The following GMDS variants were observed in gnomAD, a reference collection of about 807,000 sequenced individuals.
GMDS encodes the protein GDP-mannose 4,6 dehydratase.
Under a neutral mutation model 49.9 loss-of-function variants are expected in GMDS, and 20 were observed. That is an observed-to-expected ratio of 0.40 (90% CI 0.28 to 0.58). The LOEUF is 0.58. Ranked by LOEUF, GMDS falls within the 20% of genes least tolerant of loss-of-function variation. The pLI is 0.42. For missense variants in GMDS, 362 were observed against 481.4 expected (o/e 0.75, Z 2.32); for synonymous variants, 177 against 178.6 (o/e 0.99, Z 0.07).
intron 7 of GMDS, among the ~76,000 whole-genome samples, chr6:1,820,747 T>C (rs961548509): frequency 6.6e-6 from 1 of 152,248 alleles, no homozygotes; most frequent in Admixed American, 6.5e-5. Flanking sequence ...AAAATTCTAA[T>C]AAGCACTATA....
chr6:2,090,499 C>G (rs1175069435), intron 4 of GMDS, among the ~76,000 whole-genome samples: 1 of 152,170 alleles, frequency 6.6e-6, no homozygotes, highest in Non-Finnish European at 1.5e-5. Context: ...CAACAAATCT[C>G]TTACATTTTC....
intron 1 of GMDS, among the ~76,000 whole-genome samples, chr6:2,180,534 A>C (rs947358199): frequency 2.0e-5 from 3 of 152,180 alleles, no homozygotes; most frequent in Non-Finnish European, 4.4e-5. Flanking sequence ...CCTCTCACTG[A>C]CTTAAGAAGA....
At chr6:1,822,600 C>G (rs916451829) in intron 7 of GMDS, among the ~76,000 whole-genome samples, 6 of 151,994 alleles carry the variant, frequency 3.9e-5, no homozygotes, top group African/African-American at 1.5e-4. Context: ...AGTTAATATT[C>G]CAATAGATGA....
chr6:1,683,937 C>T (rs1764882570), intron 9 of GMDS, among the ~76,000 whole-genome samples: 1 of 150,212 alleles, frequency 6.7e-6, no homozygotes, highest in African/African-American at 2.4e-5. Context: ...GATCCGCCCT[C>T]TATCAGCTAT....
At chr6:1,956,644 A>G (rs555928992) in intron 6 of GMDS, among the ~76,000 whole-genome samples, 1 of 152,154 alleles carries the variant, frequency 6.6e-6, no homozygotes, top group Non-Finnish European at 1.5e-5. Flanking sequence ...TGTTCCCTGT[A>G]ATAACAGGGA....
At chr6:1,728,005 T>A (rs1375434798) in intron 8 of GMDS, among the ~76,000 whole-genome samples, 1 of 152,222 alleles carries the variant, frequency 6.6e-6, no homozygotes, top group Non-Finnish European at 1.5e-5. Flanking sequence ...GCAGGTCATA[T>A]AGGTCTAAGA....
At chr6:1,683,509 T>C (rs1208789639) in intron 9 of GMDS, among the ~76,000 whole-genome samples, 3 of 152,142 alleles carry the variant, frequency 2.0e-5, no homozygotes, top group African/African-American at 7.2e-5. Flanking sequence ...GAAACTCTGG[T>C]GGGAAACATG....
chr6:2,154,223 T>C (rs1198011200), intron 1 of GMDS, among the ~76,000 whole-genome samples: 1 of 152,178 alleles, frequency 6.6e-6, no homozygotes, highest in Non-Finnish European at 1.5e-5. Context: ...AACCATGAAG[T>C]ATATTTAGTC....
intron 9 of GMDS, 54 bp from the exon 10 acceptor site, chr6:1,624,594 G>T: frequency 7.8e-7 from 1 of 1,280,964 alleles, no homozygotes; most frequent in Non-Finnish European, 1.1e-6. Flanking sequence ...GGTGGGGGCA[G>T]CAGGTCCCGA....
chr6:2,216,792 T>C (rs1399311316), intron 1 of GMDS, among the ~76,000 whole-genome samples: 1 of 152,190 alleles, frequency 6.6e-6, no homozygotes, highest in African/African-American at 2.4e-5. Flanking sequence ...TTACACTGCA[T>C]TTACGTGCTC....
At chr6:1,960,715 A>AC in intron 5 of GMDS, 59 bp downstream of exon 5, 7 of 1,115,890 alleles carry the variant, frequency 6.3e-6, no homozygotes, top group Non-Finnish European at 7.6e-6. Context: ...AAAAACACAC[A>AC]CCCCCCACAC....
At chr6:2,211,687 AG>A (rs1485866451) in intron 1 of GMDS, among the ~76,000 whole-genome samples, 1 of 152,200 alleles carries the variant, frequency 6.6e-6, no homozygotes, top group African/African-American at 2.4e-5. Context: ...AGAACACGTA[AG>A]GCAGGAAAAA....
intron 7 of GMDS, among the ~76,000 whole-genome samples, chr6:1,901,315 T>C (rs77936549): frequency 0.015 from 2,270 of 152,330 alleles, 29 homozygotes; most frequent in Middle Eastern, 0.027. Context: ...CAGCCTTTTC[T>C]GAATTTTAAC....
chr6:2,236,094 T>G (rs1219904075), intron 1 of GMDS, among the ~76,000 whole-genome samples: 1 of 152,266 alleles, frequency 6.6e-6, no homozygotes, highest in East Asian at 1.9e-4. Context: ...AAAAATAATG[T>G]CTCCCTCAAA....
intron 7 of GMDS, among the ~76,000 whole-genome samples, chr6:1,790,328 A>G (rs1342529448): frequency 6.6e-6 from 1 of 152,230 alleles, no homozygotes; most frequent in Non-Finnish European, 1.5e-5. Flanking sequence ...CAAAGTCTCC[A>G]TGGGAGTTAG....
chr6:1,939,812 A>C (rs17134506), intron 6 of GMDS, among the ~76,000 whole-genome samples: 2 of 152,190 alleles, frequency 1.3e-5, no homozygotes, highest in Admixed American at 6.5e-5. Flanking sequence ...ATTTGATTGC[A>C]TATTAGGTCA....
rs1417718332 is a variant in GMDS, at chr6:1,675,006, C to T, written c.988-50466G>A. On this transcript the variant is annotated intron_variant, in intron 9 of 10. Transcript: ENST00000380815. ...AGGCTGGAGTGCAATGATGCGATCT[C>T]GGCTCACTGCAACCTCCACCTCCCA... 1.4e-4 allele frequency among the ~76,000 whole-genome samples: 21 copies of T among 152,108 alleles called. No individual in the cohort carries two copies. The East Asian group carries it at 2.5e-3, about 18-fold the overall frequency.
intron 4 of GMDS, among the ~76,000 whole-genome samples, chr6:2,006,701 C>T (rs1561968315): frequency 6.6e-6 from 1 of 152,140 alleles, no homozygotes; most frequent in South Asian, 2.1e-4. Context: ...TTTCTACCAC[C>T]TTTTCCATTC....
chr6:1,789,605 G>A (rs1032450080), intron 7 of GMDS, among the ~76,000 whole-genome samples: 2 of 147,850 alleles, frequency 1.4e-5, no homozygotes, highest in Non-Finnish European at 3.0e-5. Flanking sequence ...GTGCGATCAC[G>A]GCTCCCTGCA....
Sources: allele counts gnomAD v4.1 joint callset (sites outside exome capture counted in the v4.1 genomes callset), GRCh38; gene constraint gnomAD v4.1.1; transcripts MANE v1.5; gene names NCBI Gene and HGNC (gene_info 2026-07-23, HGNC 2026-07-21).